PRELID2: variants seen among roughly 807,000 people sequenced by gnomAD.
PRELID2 encodes PRELI domain containing 2.
Under a neutral mutation model 28.4 loss-of-function variants are expected in PRELID2, and 25 were observed. The ratio of observed to expected loss-of-function variants is 0.88; its 90% confidence interval spans 0.64 to 1.23. PRELID2 has a LOEUF of 1.23. PRELID2 is among the 50% of genes most tolerant of loss of function. The pLI, the probability that PRELID2 is intolerant of heterozygous loss-of-function variation, is 0.00. For synonymous variants in PRELID2, 76 were observed against 71.6 expected, an observed-to-expected ratio of 1.06 and a Z score of -0.31; for missense variants, 201 against 214.4, an observed-to-expected ratio of 0.94 and a Z score of 0.39.
chr5:145,762,328 T>C (rs923969778), intron 6 of PRELID2, among the ~76,000 whole-genome samples: 4 of 151,364 alleles, frequency 2.6e-5, no homozygotes, highest in African/African-American at 9.7e-5. Flanking sequence ...CAAACAAACA[T>C]AAAAAACACA....
At position 145,668,488 on chromosome 5, in the gene PRELID2, C is replaced by T. The variant is rs961185290; in HGVS notation, n.70+96443G>A. ...AGCTGTTTATTTGCTTCCAAACAGT[C>T]GGCTAGTATATGACCTGTAGACACA... is the stretch of plus-strand genomic sequence containing the variant. On this transcript the variant is annotated intron_variant and non_coding_transcript_variant, in intron 1 of 2. Transcript: ENST00000510259. Among the ~76,000 whole-genome samples the T allele has an allele frequency of 3.3e-5, 5 of 151,840 alleles. No individual in the cohort carries two copies. In the South Asian group the frequency reaches 8.3e-4, roughly 25 times the overall value.
At chr5:145,666,924 C>T (rs1464801576) in intron 1 of PRELID2, among the ~76,000 whole-genome samples, 5 of 152,090 alleles carry the variant, frequency 3.3e-5, no homozygotes, top group Middle Eastern at 3.4e-3. Flanking sequence ...ATGGCTTATA[C>T]GTGACCAATT....
intron 1 of PRELID2, among the ~76,000 whole-genome samples, chr5:145,613,839 T>C (rs1302273394): frequency 2.0e-5 from 3 of 152,220 alleles, no homozygotes; most frequent in Non-Finnish European, 2.9e-5. Flanking sequence ...TTTAGCTATT[T>C]ATCTTTGTTT....
chr5:145,684,135 G>A (rs187854653), intron 1 of PRELID2, among the ~76,000 whole-genome samples: 216 of 152,288 alleles, frequency 1.4e-3, no homozygotes, highest in African/African-American at 5.1e-3. Context: ...GGATAAGAGA[G>A]TTAATGGTGA....
chr5:145,623,251 C>T (rs960454035), intron 1 of PRELID2, among the ~76,000 whole-genome samples: 2 of 151,702 alleles, frequency 1.3e-5, no homozygotes, highest in Non-Finnish European at 2.9e-5. Context: ...GAGATTGAGA[C>T]CAGCCGGCCA....
At chr5:145,372,160 G>T in the PRELID2 span, among the ~76,000 whole-genome samples, 1 of 151,968 alleles carries the variant, frequency 6.6e-6, no homozygotes, top group African/African-American at 2.4e-5. Flanking sequence ...GTTCTCATTG[G>T]TATCAAAGAA....
chr5:145,765,096 T>C, intron 5 of PRELID2, 96 bp from the exon 6 acceptor site: 1 of 794,362 alleles, frequency 1.3e-6, no homozygotes, highest in East Asian at 2.7e-5. Flanking sequence ...ATCCAGGTCA[T>C]GGCCATATAT....
the PRELID2 span, among the ~76,000 whole-genome samples, chr5:145,317,435 T>C: frequency 6.6e-6 from 1 of 152,200 alleles, no homozygotes. Flanking sequence ...GTAGACCAGC[T>C]TGTGCTGTTC....
the PRELID2 span, among the ~76,000 whole-genome samples, chr5:145,245,318 A>G: frequency 6.6e-6 from 1 of 152,228 alleles, no homozygotes; most frequent in East Asian, 1.9e-4. Context: ...ATAAAGTGCA[A>G]TGAAGATATC....
chr5:145,555,520 C>T (rs1468011283), intron 1 of PRELID2, among the ~76,000 whole-genome samples: 4 of 152,182 alleles, frequency 2.6e-5, no homozygotes, highest in African/African-American at 9.7e-5. Flanking sequence ...CTTCCCTGTT[C>T]ATAACCCCTA....
chr5:145,258,715 T>C, the PRELID2 span, among the ~76,000 whole-genome samples: 1 of 152,174 alleles, frequency 6.6e-6, no homozygotes, highest in South Asian at 2.1e-4. Flanking sequence ...GTATGAAATA[T>C]TGGAAAATTT....
At chr5:145,406,921 T>C in the PRELID2 span, among the ~76,000 whole-genome samples, 705 of 152,254 alleles carry the variant, frequency 4.6e-3, no homozygotes, top group Non-Finnish European at 6.8e-3. Context: ...CTGTGGGCAC[T>C]CCCAGTCCCC....
the PRELID2 span, among the ~76,000 whole-genome samples, chr5:145,277,058 C>T: frequency 1.3e-5 from 2 of 152,020 alleles, no homozygotes; most frequent in South Asian, 4.2e-4. Context: ...AGAAAAATCC[C>T]TGAAGACTGT....
At chr5:145,458,666 A>G in the PRELID2 span, among the ~76,000 whole-genome samples, 1 of 152,158 alleles carries the variant, frequency 6.6e-6, no homozygotes, top group Non-Finnish European at 1.5e-5. Flanking sequence ...CTAAAATGTC[A>G]CTTGTGCTGA....
intron 1 of PRELID2, among the ~76,000 whole-genome samples, chr5:145,497,978 C>A (rs1246850345): frequency 6.6e-6 from 1 of 152,122 alleles, no homozygotes; most frequent in Non-Finnish European, 1.5e-5. Flanking sequence ...CAACACTTGC[C>A]CTTCACTAAT....
the PRELID2 span, among the ~76,000 whole-genome samples, chr5:145,331,659 G>A: frequency 4.6e-5 from 7 of 151,756 alleles, no homozygotes; most frequent in Non-Finnish European, 1.0e-4. Flanking sequence ...GAGCCTATGT[G>A]TGTCTTTGCA....
chr5:145,725,492 G>A (rs879694824), intron 1 of PRELID2, among the ~76,000 whole-genome samples: 1 of 152,114 alleles, frequency 6.6e-6, no homozygotes, highest in Non-Finnish European at 1.5e-5. Flanking sequence ...AAAGTCACTG[G>A]ATATATTTAA....
the PRELID2 span, among the ~76,000 whole-genome samples, chr5:145,358,953 T>C: frequency 1.3e-5 from 2 of 152,180 alleles, no homozygotes; most frequent in African/African-American, 4.8e-5. Flanking sequence ...GGTCATCCAC[T>C]CAATCCAAGC....
At chr5:145,627,500 A>G in intron 1 of PRELID2, among the ~76,000 whole-genome samples, 1 of 152,182 alleles carries the variant, frequency 6.6e-6, no homozygotes, top group East Asian at 1.9e-4. Flanking sequence ...AAAATTTAAA[A>G]TAAAATAAAT....
Sources: allele counts gnomAD v4.1 joint callset (sites outside exome capture counted in the v4.1 genomes callset), GRCh38; gene constraint gnomAD v4.1.1; transcripts MANE v1.5; gene names NCBI Gene and HGNC (gene_info 2026-07-23, HGNC 2026-07-21).